The following CPNE8 variants were observed in gnomAD, a reference collection of about 807,000 sequenced individuals.
CPNE8 encodes copine 8, also known as copine-8.
Under a neutral mutation model 81.5 loss-of-function variants are expected in CPNE8, and 45 were observed. The ratio of observed to expected loss-of-function variants is 0.55; its 90% confidence interval spans 0.44 to 0.71. The LOEUF (loss-of-function observed/expected upper bound fraction) is 0.71. CPNE8 is among the 30% of genes least tolerant of loss of function. The probability of loss-of-function intolerance (pLI) is 0.00; values close to 1 mark genes in which losing one functional copy is unlikely to be tolerated. For synonymous variants in CPNE8, 252 were observed against 226.3 expected (o/e 1.11, Z -1.02); for missense variants, 594 against 672.1 (o/e 0.88, Z 1.28).
intron 16 of CPNE8, chr12:38,679,436 T>G (rs1189792470): frequency 1.7e-5 from 6 of 350,580 alleles, no homozygotes; most frequent in Non-Finnish European, 4.0e-6. Flanking sequence ...TCATAGAAAT[T>G]TTATACTTTA....
intron 5 of CPNE8, among the ~76,000 whole-genome samples, chr12:38,832,915 A>G (rs1452982674): frequency 1.3e-5 from 2 of 152,188 alleles, no homozygotes; most frequent in Non-Finnish European, 2.9e-5. Context: ...GGATAGATCC[A>G]TCTACAAACC....
At chr12:38,845,484 T>C (rs1943541847) in intron 4 of CPNE8, among the ~76,000 whole-genome samples, 1 of 152,156 alleles carries the variant, frequency 6.6e-6, no homozygotes, top group Admixed American at 6.5e-5. Context: ...TTGGGACTAC[T>C]GGGAATTTGT....
intron 1 of CPNE8, among the ~76,000 whole-genome samples, chr12:38,875,865 G>C (rs1944058964): frequency 6.6e-6 from 1 of 152,170 alleles, no homozygotes; most frequent in Non-Finnish European, 1.5e-5. Flanking sequence ...GCAACGGTTA[G>C]CAAACAGTAA....
chr12:38,906,051 C>A (rs146947533), upstream of CPNE8: 53 of 986,726 alleles, frequency 5.4e-5, no homozygotes, highest in Non-Finnish European at 6.3e-5. Flanking sequence ...TCGAAGTTTC[C>A]TCGCCTGAGT....
chr12:38,890,956 T>A (rs1431951575), intron 1 of CPNE8, among the ~76,000 whole-genome samples: 1 of 151,246 alleles, frequency 6.6e-6, no homozygotes, highest in African/African-American at 2.4e-5. Context: ...AGAAAGAGTC[T>A]CACTCTGTCA....
intron 6 of CPNE8, among the ~76,000 whole-genome samples, chr12:38,824,263 A>G (rs1163906244): frequency 6.6e-5 from 10 of 152,212 alleles, no homozygotes; most frequent in African/African-American, 2.4e-4. Flanking sequence ...AACAATAACC[A>G]AAACACAGAA....
intron 6 of CPNE8, among the ~76,000 whole-genome samples, chr12:38,780,405 A>G (rs1942025804): frequency 6.6e-6 from 1 of 152,132 alleles, no homozygotes; most frequent in Non-Finnish European, 1.5e-5. Flanking sequence ...TAGAAGAAGG[A>G]ATAAATAGAG....
At chr12:38,687,813 A>C (rs563040068) in intron 15 of CPNE8, among the ~76,000 whole-genome samples, 5 of 152,308 alleles carry the variant, frequency 3.3e-5, no homozygotes, top group African/African-American at 1.2e-4. Flanking sequence ...TCTTTTCTTC[A>C]AACATTTTTA....
chr12:38,739,982 C>T (rs544509741), intron 10 of CPNE8, among the ~76,000 whole-genome samples: 13 of 152,136 alleles, frequency 8.5e-5, no homozygotes, highest in Non-Finnish European at 1.6e-4. Flanking sequence ...AACATAACAC[C>T]AGGGATATGT....
chr12:38,793,804 C>T (rs1319112840), intron 6 of CPNE8, among the ~76,000 whole-genome samples: 1 of 151,970 alleles, frequency 6.6e-6, no homozygotes. Flanking sequence ...AGAAAACTCA[C>T]ACTTCAAGAT....
At chr12:38,835,630 A>G (rs556481826) in intron 5 of CPNE8, among the ~76,000 whole-genome samples, 1 of 152,286 alleles carries the variant, frequency 6.6e-6, no homozygotes, top group African/African-American at 2.4e-5. Flanking sequence ...TAGTTCATCT[A>G]TATATACGTT....
At chr12:38,733,828 G>T (rs530954462) in intron 10 of CPNE8, among the ~76,000 whole-genome samples, 1 of 152,058 alleles carries the variant, frequency 6.6e-6, no homozygotes, top group Admixed American at 6.6e-5. Flanking sequence ...TGTTCATTAA[G>T]ATCATTTCTA....
chr12:38,711,456 C>A (rs1180312377), intron 13 of CPNE8, among the ~76,000 whole-genome samples: 1 of 149,182 alleles, frequency 6.7e-6, no homozygotes, highest in Admixed American at 6.8e-5. Flanking sequence ...TCTAAGCTTT[C>A]CAAGTGTAGT....
intron 6 of CPNE8, among the ~76,000 whole-genome samples, chr12:38,797,492 T>A (rs979121270): frequency 2.6e-5 from 4 of 152,100 alleles, no homozygotes; most frequent in Non-Finnish European, 5.9e-5. Context: ...GAGGGTCCTG[T>A]CTGTTAGAAG....
intron 6 of CPNE8, among the ~76,000 whole-genome samples, chr12:38,797,553 C>A (rs908914426): frequency 3.3e-5 from 5 of 152,116 alleles, no homozygotes; most frequent in African/African-American, 7.2e-5. Flanking sequence ...ATCTGTACAT[C>A]ACCATCATCA....
chr12:38,847,086 G>C (rs1477955463), intron 4 of CPNE8, among the ~76,000 whole-genome samples: 2 of 152,018 alleles, frequency 1.3e-5, no homozygotes, highest in Non-Finnish European at 2.9e-5. Flanking sequence ...TGAGTCATTT[G>C]CAGGTTTGGG....
intron 11 of CPNE8, among the ~76,000 whole-genome samples, chr12:38,728,020 A>G (rs551055885): frequency 4.2e-4 from 64 of 152,316 alleles, no homozygotes; most frequent in African/African-American, 1.3e-3. Context: ...AGCAGCCCAC[A>G]TGACAAAGAA....
At chr12:38,837,594 A>AGCTTAAAGTGACAGATAATG (rs1943405112) in intron 5 of CPNE8, among the ~76,000 whole-genome samples, 1 of 152,116 alleles carries the variant, frequency 6.6e-6, no homozygotes, top group Non-Finnish European at 1.5e-5. Flanking sequence ...GAGGAAATAA[A>AGCTTAAAGTGACAGATAATG]GCTTAAAGTG....
intron 3 of CPNE8, among the ~76,000 whole-genome samples, chr12:38,852,342 T>A (rs1943659170): frequency 6.9e-6 from 1 of 144,624 alleles, no homozygotes. Context: ...GGCAGGAGAA[T>A]GGCATGAACC....
Sources: gnomAD v4.1 joint callset for allele counts (sites outside exome capture counted in the v4.1 genomes callset) on GRCh38, gnomAD v4.1.1 for gene constraint, MANE v1.5 for transcripts, NCBI Gene and HGNC (gene_info 2026-07-23, HGNC 2026-07-21) for gene names.